RORA: variants seen among roughly 807,000 people sequenced by gnomAD.
The protein encoded by RORA is RAR related orphan receptor A.
In RORA, 7 loss-of-function variants were observed where a neutral mutation model predicts 69.5. The observed-to-expected ratio is 0.10, with a 90% CI of 0.06 to 0.19. The LOEUF is 0.19. Ranked by LOEUF, RORA falls within the 10% of genes least tolerant of loss-of-function variation. The pLI, the probability that RORA is intolerant of heterozygous loss-of-function variation, is 1.00. For missense variants in RORA, 457 were observed against 663.0 expected, an observed-to-expected ratio of 0.69 and a Z score of 3.41; for synonymous variants, 261 against 240.8, an observed-to-expected ratio of 1.08 and a Z score of -0.78.
At chr15:60,539,617 G>T (rs977531446) in intron 2 of RORA, among the ~76,000 whole-genome samples, 2 of 152,184 alleles carry the variant, frequency 1.3e-5, no homozygotes, top group African/African-American at 2.4e-5. Context: ...TGAACAGCAA[G>T]AGAATAAGCT....
intron 1 of RORA, among the ~76,000 whole-genome samples, chr15:60,711,249 G>C (rs1417873968): frequency 6.6e-6 from 1 of 152,134 alleles, no homozygotes; most frequent in Non-Finnish European, 1.5e-5. Flanking sequence ...GTCACTCATG[G>C]ACACTCTGCA....
chr15:60,912,201 A>G (rs1411380871), intron 1 of RORA, among the ~76,000 whole-genome samples: 1 of 149,762 alleles, frequency 6.7e-6, no homozygotes, highest in East Asian at 2.1e-4. Flanking sequence ...GCTTGAGGCC[A>G]GGAGTTTCAG....
At chr15:60,598,144 G>A (rs1280883610) in intron 2 of RORA, among the ~76,000 whole-genome samples, 1 of 152,152 alleles carries the variant, frequency 6.6e-6, no homozygotes, top group Non-Finnish European at 1.5e-5. Context: ...ATATCTCTCA[G>A]TAGAGCTTAC....
intron 1 of RORA, among the ~76,000 whole-genome samples, chr15:60,938,604 G>A (rs1163595384): frequency 1.3e-5 from 2 of 152,174 alleles, no homozygotes; most frequent in African/African-American, 4.8e-5. Context: ...CAGGTACATG[G>A]TTAGATCAGT....
At chr15:60,968,336 C>G (rs975816977) in intron 1 of RORA, among the ~76,000 whole-genome samples, 1 of 152,190 alleles carries the variant, frequency 6.6e-6, no homozygotes, top group South Asian at 2.1e-4. Flanking sequence ...GCACCAAAAC[C>G]TTGGTGCATT....
chr15:61,026,133 G>A (rs183100697), intron 1 of RORA, among the ~76,000 whole-genome samples: 2 of 152,106 alleles, frequency 1.3e-5, no homozygotes. Context: ...ATCAGTCTTC[G>A]TGAGCTACCA....
chr15:60,722,975 C>G (rs17191582), intron 1 of RORA, among the ~76,000 whole-genome samples: 18,229 of 152,180 alleles, frequency 0.12, 1,214 homozygotes, highest in Middle Eastern at 0.17. Flanking sequence ...AGTTTAACTT[C>G]TTACCAGATC....
rs113942479 is a variant in RORA at position 60,971,923 on chromosome 15, G to A, written c.166+257130C>T. On this transcript the variant is annotated intron_variant, in intron 1 of 10. Coordinates refer to ENST00000335670, the MANE Select transcript of RORA (RefSeq NM_134261.3). ...TCTGGGCCAGGGCAGTGGTTCCCAAGCTGCATTCCCTGAAACCTGAAGCTT... is the reference window on the plus strand; with the variant it reads ...TCTGGGCCAGGGCAGTGGTTCCCAAACTGCATTCCCTGAAACCTGAAGCTT... Among the ~76,000 whole-genome samples, 990 of 152,310 alleles carry A rather than the reference G, an allele frequency of 6.5e-3. 7 individuals carry two copies. The highest frequency in any genetic ancestry group is 0.02 in the Middle Eastern group (6 of 294).
intron 1 of RORA, among the ~76,000 whole-genome samples, chr15:60,975,502 GA>G (rs1242921220): frequency 6.6e-6 from 1 of 152,072 alleles, no homozygotes; most frequent in East Asian, 1.9e-4. Flanking sequence ...AAAACAGTAA[GA>G]AAATTGGATC....
chr15:60,621,665 T>C (rs1219780549), intron 2 of RORA, among the ~76,000 whole-genome samples: 1 of 152,186 alleles, frequency 6.6e-6, no homozygotes, highest in Non-Finnish European at 1.5e-5. Context: ...AACAGTATTG[T>C]ATCAATGTTA....
chr15:60,551,498 C>T (rs1322847966), intron 2 of RORA, among the ~76,000 whole-genome samples: 1 of 152,170 alleles, frequency 6.6e-6, no homozygotes, highest in Non-Finnish European at 1.5e-5. Context: ...ATCTCATTAA[C>T]AACCTCATAA....
At chr15:60,617,447 G>A (rs1053638285) in intron 2 of RORA, among the ~76,000 whole-genome samples, 4 of 152,230 alleles carry the variant, frequency 2.6e-5, no homozygotes, top group South Asian at 4.1e-4. Flanking sequence ...AAGCAACTGC[G>A]CAAAAGGCAG....
At chr15:60,538,952 T>TA (rs1230390403) in intron 2 of RORA, among the ~76,000 whole-genome samples, 4 of 150,794 alleles carry the variant, frequency 2.7e-5, no homozygotes, top group East Asian at 1.9e-4. Flanking sequence ...TTAATGGCTT[T>TA]AAAAAAAACA....
intron 1 of RORA, among the ~76,000 whole-genome samples, chr15:60,700,376 A>G (rs1431569603): frequency 6.6e-6 from 1 of 152,190 alleles, no homozygotes; most frequent in Non-Finnish European, 1.5e-5. Context: ...CAAATCCTTG[A>G]CATCCTTAGC....
At chr15:60,806,854 G>C (rs920449197) in intron 1 of RORA, among the ~76,000 whole-genome samples, 1 of 152,102 alleles carries the variant, frequency 6.6e-6, no homozygotes, top group Admixed American at 6.6e-5. Context: ...AGAAAATTGG[G>C]CCAGTTTTCT....
intron 1 of RORA, among the ~76,000 whole-genome samples, chr15:60,968,700 G>T (rs1893627118): frequency 6.6e-6 from 1 of 150,810 alleles, no homozygotes; most frequent in Admixed American, 6.6e-5. Flanking sequence ...AGCCATTTGA[G>T]AGTAATTTGT....
At chr15:61,066,336 T>C (rs1349470280) in intron 1 of RORA, among the ~76,000 whole-genome samples, 3 of 151,930 alleles carry the variant, frequency 2.0e-5, no homozygotes, top group Non-Finnish European at 4.4e-5. Context: ...TTCTTTCATC[T>C]GGGAAACTTT....
intron 1 of RORA, among the ~76,000 whole-genome samples, chr15:60,985,582 C>CTTTTTTTTTTTTTTTTTTTTT (rs11451387): frequency 9.9e-6 from 1 of 100,864 alleles, no homozygotes; most frequent in African/African-American, 4.1e-5. Context: ...AACTCATCCT[C>CTTTTTTTTTTTTTTTTTTTTT]TTTTTTTTTT....
At chr15:60,539,990 G>T (rs929219072) in intron 2 of RORA, among the ~76,000 whole-genome samples, 4 of 152,088 alleles carry the variant, frequency 2.6e-5, no homozygotes, top group African/African-American at 9.7e-5. Context: ...CTCGGGGTGG[G>T]TTAAATGTCA....
Sources: allele counts gnomAD v4.1 joint callset (sites outside exome capture counted in the v4.1 genomes callset), GRCh38; gene constraint gnomAD v4.1.1; transcripts MANE v1.5; gene names NCBI Gene and HGNC (gene_info 2026-07-23, HGNC 2026-07-21).